FAM178B: variants seen among roughly 807,000 people sequenced by gnomAD.
FAM178B encodes family with sequence similarity 178 member B.
In FAM178B, 82 loss-of-function variants were observed where a neutral mutation model predicts 91.7. The ratio of observed to expected loss-of-function variants is 0.89; its 90% confidence interval spans 0.75 to 1.07. The LOEUF (loss-of-function observed/expected upper bound fraction) is 1.07, where lower values mean the gene tolerates loss of function less well. Ranked by LOEUF, FAM178B falls within the 50% of genes least tolerant of loss-of-function variation. FAM178B has a pLI of 0.00. For missense variants in FAM178B, 769 were observed against 846.7 expected, an observed-to-expected ratio of 0.91 and a Z score of 1.14; for synonymous variants, 368 against 359.4, an observed-to-expected ratio of 1.02 and a Z score of -0.27.
intron 13 of FAM178B, among the ~76,000 whole-genome samples, chr2:96,895,875 C>T (rs2080812922): frequency 6.6e-6 from 1 of 152,228 alleles, no homozygotes; most frequent in Non-Finnish European, 1.5e-5. Flanking sequence ...AGACAGCCCA[C>T]AAGAGCAGCT....
At chr2:96,966,820 C>T (rs993227036) in intron 5 of FAM178B, among the ~76,000 whole-genome samples, 1 of 152,164 alleles carries the variant, frequency 6.6e-6, no homozygotes. Context: ...CTTTCTGTCA[C>T]GTGAGGACAC....
At chr2:96,926,021 T>C (rs1053675953) in intron 9 of FAM178B, among the ~76,000 whole-genome samples, 2 of 151,032 alleles carry the variant, frequency 1.3e-5, no homozygotes, top group African/African-American at 4.9e-5. Context: ...ACCAAGTGGC[T>C]GGCGGGGCAT....
intron 13 of FAM178B, among the ~76,000 whole-genome samples, chr2:96,896,145 C>T (rs1043278475): frequency 3.3e-5 from 5 of 152,238 alleles, no homozygotes; most frequent in African/African-American, 7.2e-5. Flanking sequence ...ACACCCCCAG[C>T]GTGGCCTTTG....
intron 1 of FAM178B, among the ~76,000 whole-genome samples, chr2:96,980,702 T>G (rs1369738569): frequency 6.6e-6 from 1 of 152,180 alleles, no homozygotes; most frequent in Non-Finnish European, 1.5e-5. Context: ...CGAGCCAGCC[T>G]CCTTGCATTT....
At chr2:96,929,354 G>A in intron 8 of FAM178B, 34 bp from the exon 9 acceptor site, 1 of 1,442,816 alleles carries the variant, frequency 6.9e-7, no homozygotes, top group Non-Finnish European at 9.5e-7. Flanking sequence ...GAGTTAGAAT[G>A]GGGAACGGAG....
At chr2:96,880,508 T>A (rs543863726) in intron 14 of FAM178B, among the ~76,000 whole-genome samples, 1 of 152,238 alleles carries the variant, frequency 6.6e-6, no homozygotes, top group Non-Finnish European at 1.5e-5. Flanking sequence ...GATTACAGGG[T>A]ATCCCTACCT....
At chr2:96,917,527 G>C (rs1172517328) in intron 12 of FAM178B, among the ~76,000 whole-genome samples, 1 of 152,164 alleles carries the variant, frequency 6.6e-6, no homozygotes, top group Non-Finnish European at 1.5e-5. Flanking sequence ...ATATGGAGAA[G>C]GTAGCTTCAA....
chr2:96,930,373 G>A (rs892658574), intron 8 of FAM178B, among the ~76,000 whole-genome samples: 15 of 152,046 alleles, frequency 9.9e-5, no homozygotes, highest in African/African-American at 2.9e-4. Flanking sequence ...GGGTCCAGAC[G>A]TCTTCTCCAA....
At chr2:96,962,062 G>C (rs761314731) in intron 5 of FAM178B, among the ~76,000 whole-genome samples, 1 of 152,166 alleles carries the variant, frequency 6.6e-6, no homozygotes, top group Non-Finnish European at 1.5e-5. Context: ...AGCACTATGG[G>C]AGGCTGAGGT....
chr2:96,929,321 C>T lies in FAM178B; in HGVS notation c.1079-1G>A. The T allele has an allele frequency of 6.5e-7, 1 of 1,547,866 alleles. No homozygotes were observed. The highest frequency in any genetic ancestry group is 8.7e-7 in the Non-Finnish European group (1 of 1,143,616). ...GGGCACCACAGGTGCTTGTCTTCAT[C>T]TGTCAGGCCAAAAGGGAGCAGAGAG... On this transcript the variant is annotated splice_acceptor_variant, in intron 8 of 16. Transcript: ENST00000490605. LOFTEE classifies it high-confidence loss of function.
At chr2:96,945,526 T>C (rs2153372918) in intron 8 of FAM178B, among the ~76,000 whole-genome samples, 1 of 151,886 alleles carries the variant, frequency 6.6e-6, no homozygotes, top group East Asian at 1.9e-4. Flanking sequence ...GAGAAGCGGC[T>C]TGAACACACA....
intron 10 of FAM178B, among the ~76,000 whole-genome samples, chr2:96,922,824 C>T (rs1232839841): frequency 1.3e-5 from 2 of 152,092 alleles, no homozygotes; most frequent in African/African-American, 4.8e-5. Context: ...CCTGCCTCAG[C>T]CTCCACGCCT....
chr2:96,938,123 A>G (rs1015026364), intron 8 of FAM178B, among the ~76,000 whole-genome samples: 3 of 152,224 alleles, frequency 2.0e-5, no homozygotes, highest in Admixed American at 2.0e-4. Flanking sequence ...GTCCTGAGCT[A>G]AAGTGGTGGG....
At chr2:96,950,142 G>A (rs909153852) in intron 7 of FAM178B, 29 of 985,466 alleles carry the variant, frequency 2.9e-5, no homozygotes, top group Non-Finnish European at 3.0e-5. Flanking sequence ...CTCCACGCCA[G>A]TGTCAGGGTG....
At chr2:96,876,934 G>A (rs1024991035) in intron 16 of FAM178B, among the ~76,000 whole-genome samples, 1 of 152,116 alleles carries the variant, frequency 6.6e-6, no homozygotes, top group Non-Finnish European at 1.5e-5. Context: ...CAGAGGCTTG[G>A]GAGTCAGGCT....
At chr2:96,916,303 C>G (rs1019564069) in intron 12 of FAM178B, among the ~76,000 whole-genome samples, 2 of 152,198 alleles carry the variant, frequency 1.3e-5, no homozygotes, top group Non-Finnish European at 2.9e-5. Context: ...ACTGTCCTTT[C>G]GGATTGATTC....
intron 6 of FAM178B, among the ~76,000 whole-genome samples, chr2:96,959,626 T>C (rs1412802088): frequency 6.6e-6 from 1 of 152,208 alleles, no homozygotes; most frequent in Non-Finnish European, 1.5e-5. Context: ...GGCACCAGCC[T>C]GTGTGAGCAC....
chr2:96,917,568 C>CA (rs1279665756), intron 12 of FAM178B, among the ~76,000 whole-genome samples: 1 of 152,084 alleles, frequency 6.6e-6, no homozygotes, highest in African/African-American at 2.4e-5. Flanking sequence ...TTATTAAGAC[C>CA]AAAAAGCTGA....
Position 96,929,233 on chromosome 2 carries a change from G to A in FAM178B, c.1166C>T (p.Pro389Leu). The change falls in exon 9 of 17, where the codon CCT (proline) becomes CTT (leucine). Residue 389 changes from proline (P) to leucine (L), a missense_variant. By Grantham distance (98) the Pro-to-Leu change is moderately conservative (BLOSUM62 -3). Coordinates refer to ENST00000490605, the MANE Select transcript of FAM178B (RefSeq NM_001122646.3). ...SLGAHSPALY[P>L]LGPFWHGGRV... is the part of the protein sequence containing the mutation. ...GCCACCGTGCCAAAAGGGCCCCAGAGGGTACAGGGCAGGACTGTGGGCACC... is the reference window on the plus strand; with the variant it reads ...GCCACCGTGCCAAAAGGGCCCCAGAAGGTACAGGGCAGGACTGTGGGCACC... 6.4e-7 allele frequency: 1 copy of A among 1,551,486 alleles called. No homozygotes were observed. Among genetic ancestry groups the A allele is most frequent in the Non-Finnish European group, 8.7e-7 (1 of 1,146,824 alleles).
Sources: gnomAD v4.1 joint callset for allele counts (sites outside exome capture counted in the v4.1 genomes callset) on GRCh38, gnomAD v4.1.1 for gene constraint, MANE v1.5 for transcripts, NCBI Gene and HGNC (gene_info 2026-07-23, HGNC 2026-07-21) for gene names.